LINC00237: variants seen among roughly 807,000 people sequenced by gnomAD.
LINC00237 encodes the protein long intergenic non-protein coding RNA 237.
In LINC00237 at chr20:21,105,592, C is replaced by A. The variant is rs572025010; in HGVS notation, n.88+679G>T. On this transcript the variant is annotated intron_variant and non_coding_transcript_variant, in intron 1 of 3. Coordinates refer to ENST00000691244, the Ensembl canonical transcript of LINC00237. ...ACCCGGCGAGGGCCCTGCGCTCACACTTCTTCCAGGGGAAGGAGTGGCCAC... is the reference window on the plus strand; with the variant it reads ...ACCCGGCGAGGGCCCTGCGCTCACAATTCTTCCAGGGGAAGGAGTGGCCAC... 2.6e-4 allele frequency among the ~76,000 whole-genome samples: 39 copies of A among 152,348 alleles called. No individual in the cohort carries two copies. The South Asian group carries it at 4.8e-3, about 19-fold the overall frequency.
At chr20:21,087,349 T>C (rs112625872) in intron 3 of LINC00237, among the ~76,000 whole-genome samples, 5 of 152,244 alleles carry the variant, frequency 3.3e-5, no homozygotes, top group African/African-American at 1.2e-4. Context: ...TGCCATGGTT[T>C]AATTAAACAT....
At chr20:21,091,981 T>C (rs1399095794) in intron 2 of LINC00237, among the ~76,000 whole-genome samples, 1 of 152,194 alleles carries the variant, frequency 6.6e-6, no homozygotes, top group Admixed American at 6.5e-5. Context: ...TTTGTAAAGA[T>C]ACTGAGTTCT....
intron 1 of LINC00237, among the ~76,000 whole-genome samples, chr20:21,099,218 A>AGTGGTCAGGAGGAGG (rs2030897907): frequency 6.6e-6 from 1 of 152,252 alleles, no homozygotes; most frequent in Non-Finnish European, 1.5e-5. Flanking sequence ...TAGGAAGGAC[A>AGTGGTCAGGAGGAGG]GTGGTCAGGA....
chr20:21,094,683 T>TC (rs1366692081), intron 1 of LINC00237, among the ~76,000 whole-genome samples: 1 of 152,172 alleles, frequency 6.6e-6, no homozygotes, highest in Non-Finnish European at 1.5e-5. Context: ...GTAGTCCTAA[T>TC]TGGAGGCTGA....
At chr20:21,089,889 G>C (rs181729162) in intron 2 of LINC00237, 1 of 152,188 alleles carries the variant, frequency 6.6e-6, no homozygotes, top group Admixed American at 6.5e-5. Context: ...TATGGGTTCC[G>C]CATATAAGGT....
At chr20:21,103,043 G>T (rs1273631189) in intron 1 of LINC00237, among the ~76,000 whole-genome samples, 2 of 152,224 alleles carry the variant, frequency 1.3e-5, no homozygotes, top group African/African-American at 2.4e-5. Context: ...GGCCTGGAGG[G>T]CGCATTGGTG....
rs2030728158 is a variant in LINC00237 at position 21,087,386 on chromosome 20, T to G, written n.559+558A>C. On this transcript the variant is annotated intron_variant and non_coding_transcript_variant, in intron 3 of 3. Coordinates refer to ENST00000691244, the Ensembl canonical transcript of LINC00237. ...CCCCTTTTGAATGGGTTCAGTTTTT[T>G]CTTTCTCTTATTGCAAACAGTGCTT... Among the ~76,000 whole-genome samples the G allele has an allele frequency of 3.3e-5, 5 of 152,240 alleles. No homozygotes were observed. In the South Asian group the frequency reaches 1.0e-3, roughly 32 times the overall value.
At chr20:21,092,080 G>A (rs973309826) in intron 2 of LINC00237, among the ~76,000 whole-genome samples, 15 of 151,996 alleles carry the variant, frequency 9.9e-5, no homozygotes, top group African/African-American at 3.1e-4. Flanking sequence ...CCCTCGTCAG[G>A]GTGCTTCAAC....
intron 1 of LINC00237, among the ~76,000 whole-genome samples, chr20:21,097,365 T>C (rs937075890): frequency 6.6e-6 from 1 of 152,086 alleles, no homozygotes; most frequent in South Asian, 2.1e-4. Flanking sequence ...AGTTGGCCAA[T>C]GTACAAATGG....
At chr20:21,091,403 G>C (rs1326766742) in intron 2 of LINC00237, among the ~76,000 whole-genome samples, 1 of 152,178 alleles carries the variant, frequency 6.6e-6, no homozygotes, top group African/African-American at 2.4e-5. Flanking sequence ...ATAAAAGAAA[G>C]AGTGGACTAG....
At chr20:21,086,195 T>G (rs758331062) in intron 3 of LINC00237, among the ~76,000 whole-genome samples, 13 of 152,336 alleles carry the variant, frequency 8.5e-5, no homozygotes, top group Non-Finnish European at 1.6e-4. Flanking sequence ...ATTCACTATA[T>G]GAACATATTT....
intron 1 of LINC00237, among the ~76,000 whole-genome samples, chr20:21,104,373 C>T (rs1294673883): frequency 1.3e-5 from 2 of 152,224 alleles, no homozygotes; most frequent in African/African-American, 4.8e-5. Flanking sequence ...CGAGGTGGAG[C>T]GTCAGCAGTA....
At position 21,101,175 on chromosome 20, in the gene LINC00237, CGGA is replaced by C. The variant is rs1042585783; in HGVS notation, n.88+5093_88+5095del. On this transcript the variant is annotated intron_variant and non_coding_transcript_variant, in intron 1 of 3. Transcript: ENST00000691244. The surrounding 1 kb of genome is among the most constrained non-coding windows in gnomAD (Gnocchi z 4.3). ...GGGAAATTACTTGATTAGCGTCCATCGGAGGAGAACACGGTTACAGCCCCTCGG... is the reference window on the plus strand; with the variant it reads ...GGGAAATTACTTGATTAGCGTCCATCGGAGAACACGGTTACAGCCCCTCGG... Among the ~76,000 whole-genome samples, 4 of 152,296 alleles carry C rather than the reference CGGA, an allele frequency of 2.6e-5. No individual in the cohort carries two copies. Among genetic ancestry groups the C allele is most frequent in the Non-Finnish European group, 5.9e-5 (4 of 68,026 alleles).
chr20:21,102,165 G>A (rs1352182458), intron 1 of LINC00237, among the ~76,000 whole-genome samples: 4 of 152,252 alleles, frequency 2.6e-5, no homozygotes, highest in African/African-American at 9.6e-5. Context: ...GAATCGCCGA[G>A]GAGCGGCGCG....
intron 2 of LINC00237, chr20:21,092,749 G>A (rs2030809159): frequency 6.6e-6 from 1 of 152,154 alleles, no homozygotes. Context: ...CATACACACA[G>A]TCTACAAGAA....
At chr20:21,094,876 C>T (rs980933102) in intron 1 of LINC00237, among the ~76,000 whole-genome samples, 1 of 152,140 alleles carries the variant, frequency 6.6e-6, no homozygotes, top group Non-Finnish European at 1.5e-5. Flanking sequence ...GTGGCAAAAC[C>T]CCATCTGTAC....
intron 3 of LINC00237, chr20:21,087,579 C>A (rs1182597794): frequency 6.6e-6 from 1 of 152,008 alleles, no homozygotes; most frequent in African/African-American, 2.4e-5. Context: ...CATGACCTTG[C>A]CAAAATGAAA....
At chr20:21,098,812 T>C (rs549208442) in intron 1 of LINC00237, among the ~76,000 whole-genome samples, 18 of 152,314 alleles carry the variant, frequency 1.2e-4, no homozygotes, top group African/African-American at 4.3e-4. Context: ...TGCAGAACAA[T>C]TCCAGGGTAA....
intron 1 of LINC00237, among the ~76,000 whole-genome samples, chr20:21,102,150 C>T (rs891691022): frequency 5.3e-5 from 8 of 152,378 alleles, no homozygotes; most frequent in Non-Finnish European, 1.2e-4. Flanking sequence ...GAACAGAGAC[C>T]TGGCGAATCG....
Sources: allele counts gnomAD v4.1 joint callset (sites outside exome capture counted in the v4.1 genomes callset), GRCh38; gene constraint gnomAD v4.1.1; non-coding constraint Gnocchi (gnomAD v3.1); transcripts MANE v1.5; gene names NCBI Gene and HGNC (gene_info 2026-07-23, HGNC 2026-07-21).